The following ZNF222 variants were observed in gnomAD, a reference collection of about 807,000 sequenced individuals.
The protein encoded by ZNF222 is zinc finger protein 222.
In ZNF222, 8 loss-of-function variants were observed where a neutral mutation model predicts 11.6. That is an observed-to-expected ratio of 0.69 (90% CI 0.41 to 1.25). ZNF222 has a LOEUF of 1.25. Ranked by LOEUF, ZNF222 falls within the 50% of genes most tolerant of loss-of-function variation. ZNF222 has a pLI of 0.01. For missense variants in ZNF222, 483 were observed against 576.1 expected (o/e 0.84, Z 1.65); for synonymous variants, 171 against 195.6 (o/e 0.87, Z 1.05).
chr19:44,032,693 C>T lies in ZNF222; in HGVS notation c.1139C>T (p.Pro380Leu), dbSNP rs868142987. ...VHQRVHTGEK[P>L]YKCEECGKGY... Reference sequence around the variant, plus strand: ...CAACGAGTCCACACTGGAGAAAAGCCATACAAATGTGAGGAGTGTGGGAAG... The same window carrying T: ...CAACGAGTCCACACTGGAGAAAAGCTATACAAATGTGAGGAGTGTGGGAAG... The change falls in exon 4 of 4, where the codon CCA becomes CTA. Residue 380 changes from proline (P) to leucine (L), a missense_variant. Physicochemically the swap from Pro to Leu is moderately conservative, Grantham distance 98. Transcript: ENST00000391960. 1.2e-6 allele frequency: 2 copies of T among 1,614,212 alleles called. No homozygotes were observed. Among genetic ancestry groups the T allele is most frequent in the Middle Eastern group, 1.6e-4 (1 of 6,062 alleles).
At chr19:44,026,690 C>T (rs919290215) in intron 1 of ZNF222, among the ~76,000 whole-genome samples, 1 of 151,768 alleles carries the variant, frequency 6.6e-6, no homozygotes, top group African/African-American at 2.4e-5. Flanking sequence ...AAAGGGCCCG[C>T]GACTCAAACA....
At chr19:44,030,626 A>G (rs1339507083) in intron 3 of ZNF222, among the ~76,000 whole-genome samples, 3 of 152,210 alleles carry the variant, frequency 2.0e-5, no homozygotes, top group Admixed American at 6.5e-5. Flanking sequence ...CTTATTTTCT[A>G]TTGTATTCTC....
chr19:44,025,934 C>T lies in ZNF222; in HGVS notation c.42+456C>T. 1 of 1,339,624 alleles carries T rather than the reference C, an allele frequency of 7.5e-7. No homozygotes were observed. The highest frequency in any genetic ancestry group is 1.0e-6 in the Non-Finnish European group (1 of 968,804). The allele number at this position is 1,339,624 out of a possible 1,614,324, so 83.0% of individuals were successfully genotyped here. On this transcript the variant is annotated intron_variant, in intron 1 of 3. Transcript: ENST00000391960. This position sits in a 1 kb window ranked among gnomAD's most constrained non-coding sequence, Gnocchi z 4.6. ...GACGCTGGATGATCCCTGACGCCTT[C>T]TGACCTCTTTTTAGGAAAGTGAGGG...
chr19:44,031,723 C>T, intron 3 of ZNF222, 94 bp from the exon 4 acceptor site: 4 of 1,389,352 alleles, frequency 2.9e-6, no homozygotes, highest in Non-Finnish European at 4.0e-6. Flanking sequence ...CCTCACAGTC[C>T]ACCCGCCTCG....
At chr19:44,029,373 C>T (rs1415302220) in intron 3 of ZNF222, among the ~76,000 whole-genome samples, 1 of 151,912 alleles carries the variant, frequency 6.6e-6, no homozygotes, top group Non-Finnish European at 1.5e-5. Flanking sequence ...TACCCTTGAG[C>T]TTTCCTTAAG....
At chr19:44,029,177 G>GTTTTTT (rs1568503536) in intron 3 of ZNF222, among the ~76,000 whole-genome samples, 1 of 125,916 alleles carries the variant, frequency 7.9e-6, no homozygotes, top group African/African-American at 3.2e-5. Flanking sequence ...ACAGTTGTTG[G>GTTTTTT]TTTGTTTTGT....
chr19:44,029,365 C>G (rs1976452698), intron 3 of ZNF222, among the ~76,000 whole-genome samples: 1 of 151,912 alleles, frequency 6.6e-6, no homozygotes, highest in Non-Finnish European at 1.5e-5. Flanking sequence ...CTGGGGCTTA[C>G]CCTTGAGCTT....
chr19:44,032,954 G>A lies in ZNF222; in HGVS notation c.1400G>A (p.Cys467Tyr). ...RDHSGENPSK[C>Y]EDCGKRYKRR... ...CACAGTGGAGAAAACCCATCCAAAT[G>A]TGAGGACTGTGGGAAGCGCTACAAG... Residue 467 changes from cysteine to tyrosine, a missense_variant, in exon 4 of 4, where the codon TGT becomes TAT. Physicochemically the swap from Cys to Tyr is radical, Grantham distance 194. Coordinates refer to ENST00000391960, the MANE Select transcript of ZNF222 (RefSeq NM_001129996.2). 2.5e-6 allele frequency: 4 copies of A among 1,598,100 alleles called. No individual in the cohort carries two copies. Among genetic ancestry groups the A allele is most frequent in the Non-Finnish European group, 3.4e-6 (4 of 1,175,984 alleles).
chr19:44,025,495 G>C lies in ZNF222; in HGVS notation c.42+17G>C, dbSNP rs747204040. 1 of 1,543,484 alleles carries C rather than the reference G, an allele frequency of 6.5e-7. No homozygotes were observed. Among genetic ancestry groups the C allele is most frequent in the South Asian group, 1.2e-5 (1 of 83,196 alleles). ...AGAGCAGAGGTTTGGAGGGGCGCGG[G>C]CGGGGATTGCCGTTCCAGTCAGCTG... On this transcript the variant is annotated intron_variant, in intron 1 of 3. Coordinates refer to ENST00000391960, the MANE Select transcript of ZNF222 (RefSeq NM_001129996.2). This position sits in a 1 kb window ranked among gnomAD's most constrained non-coding sequence, Gnocchi z 4.6.
At position 44,032,911 on chromosome 19, in the gene ZNF222, A is replaced by G; in HGVS notation, c.1357A>G (p.Lys453Glu). 6.2e-7 allele frequency: 1 copy of G among 1,613,022 alleles called. No homozygotes were observed. Among genetic ancestry groups the G allele is most frequent in the Admixed American group, 1.7e-5 (1 of 59,762 alleles). Reference protein sequence around the residue: ...GKRLVCRSYCKDQQRDHSGEN... With the variant: ...GKRLVCRSYCEDQQRDHSGEN... ...GAGGCTTGTATGCCGGTCATACTGT[A>G]AAGACCAACAAAGAGACCACAGTGG... The change falls in exon 4 of 4, where the codon AAA becomes GAA. Residue 453 changes from lysine (K) to glutamate (E), a missense_variant. By Grantham distance (56) the Lys-to-Glu change is moderately conservative (BLOSUM62 1). Transcript: ENST00000391960.
intron 3 of ZNF222, among the ~76,000 whole-genome samples, chr19:44,029,860 A>G (rs1286682363): frequency 6.6e-6 from 1 of 152,228 alleles, no homozygotes; most frequent in Non-Finnish European, 1.5e-5. Context: ...AGCATTAGCC[A>G]TAGTAAGAAA....
At chr19:44,028,570 C>T (rs1300658089) in intron 3 of ZNF222, among the ~76,000 whole-genome samples, 1 of 152,168 alleles carries the variant, frequency 6.6e-6, no homozygotes, top group Non-Finnish European at 1.5e-5. Flanking sequence ...CTCTTCTTGG[C>T]CTGCCTGTGT....
rs1373724814 is a variant in ZNF222 at position 44,025,596 on chromosome 19, CCT to C, written c.42+120_42+121del. The C allele has an allele frequency of 9.1e-7, 1 of 1,104,102 alleles. No homozygotes were observed. The highest frequency in any genetic ancestry group is 1.3e-6 in the Non-Finnish European group (1 of 790,580). The allele number at this position is 1,104,102 out of a possible 1,614,324, so 68.4% of individuals were successfully genotyped here. A position where few individuals can be genotyped will look rare whatever the true frequency, so the allele number is the denominator to read the frequency against. ...CGCGGCCCGGTGTGCCCTACTTTGA[CCT>C]CGCTTAGTCCGCCTCCCTCCTCCCT... is the stretch of plus-strand genomic sequence containing the variant. On this transcript the variant is annotated intron_variant, in intron 1 of 3. Coordinates refer to ENST00000391960, the MANE Select transcript of ZNF222 (RefSeq NM_001129996.2). This position sits in a 1 kb window ranked among gnomAD's most constrained non-coding sequence, Gnocchi z 4.6.
At position 44,032,095 on chromosome 19, in the gene ZNF222, G is replaced by A; in HGVS notation, c.541G>A (p.Gly181Arg). ...TGATCTTCCTCAGCAGTTATATTCA[G>A]GAGAGAAGTCTCATACCTGTGATGA... ...FFDLPQQLYSGEKSHTCDECG... is the reference protein window; with the variant it reads ...FFDLPQQLYSREKSHTCDECG... The change falls in exon 4 of 4, where the codon GGA (glycine) becomes AGA (arginine). Residue 181 changes from glycine (G) to arginine (R), a missense_variant. Transcript: ENST00000391960. 6.2e-7 allele frequency: 1 copy of A among 1,614,210 alleles called. No homozygotes were observed. The highest frequency in any genetic ancestry group is 8.5e-7 in the Non-Finnish European group (1 of 1,180,048).
chr19:44,027,295 GT>G, intron 2 of ZNF222, 102 bp from the exon 3 acceptor site: 1 of 1,570,444 alleles, frequency 6.4e-7, no homozygotes, highest in Non-Finnish European at 8.7e-7. Context: ...AGTAATTGTG[GT>G]TTTTGTCATT....
intron 3 of ZNF222, among the ~76,000 whole-genome samples, chr19:44,027,762 G>T (rs919950085): frequency 6.6e-6 from 1 of 151,984 alleles, no homozygotes; most frequent in Non-Finnish European, 1.5e-5. Context: ...TCTTTAAGTG[G>T]CTTTTGTAGA....
At chr19:44,026,307 G>C (rs753297259) in intron 1 of ZNF222, among the ~76,000 whole-genome samples, 5 of 151,940 alleles carry the variant, frequency 3.3e-5, no homozygotes, top group Non-Finnish European at 7.4e-5. Flanking sequence ...AGGTGGAGCA[G>C]GAGTTGAAAC....
Position 44,032,895 on chromosome 19 carries a change from A to G in ZNF222, c.1341A>G (p.Val447=). 6.2e-7 allele frequency: 1 copy of G among 1,613,976 alleles called. No homozygotes were observed. The highest frequency in any genetic ancestry group is 8.5e-7 in the Non-Finnish European group (1 of 1,179,998). ...GTGAAGACTGTGGAAAGAGGCTTGT[A>G]TGCCGGTCATACTGTAAAGACCAAC... ...LKCEDCGKRL[V]CRSYCKDQQR... is the part of the protein sequence containing the mutation. The change falls in exon 4 of 4, where the codon GTA becomes GTG. Residue 447 remains valine, a synonymous_variant. Transcript: ENST00000391960.
At position 44,032,645 on chromosome 19, in the gene ZNF222, G is replaced by C. The variant is rs146820867; in HGVS notation, c.1091G>C (p.Trp364Ser). Reference sequence around the variant, plus strand: ...AAAGAATGTGGGAAGAGCTTCAAATGGTCCTCATATCTTTTGGTCCATCAA... The same window carrying C: ...AAAGAATGTGGGAAGAGCTTCAAATCGTCCTCATATCTTTTGGTCCATCAA... ...NCKECGKSFK[W>S]SSYLLVHQRV... The change falls in exon 4 of 4, where the codon TGG becomes TCG. Residue 364 changes from tryptophan (W) to serine (S), a missense_variant. Transcript: ENST00000391960. The C allele has an allele frequency of 1.9e-4, 307 of 1,613,516 alleles. 2 individuals carry two copies. The highest frequency in any genetic ancestry group is 5.7e-4 in the South Asian group (52 of 91,044).
Sources: gnomAD v4.1 joint callset for allele counts (sites outside exome capture counted in the v4.1 genomes callset) on GRCh38, gnomAD v4.1.1 for gene constraint, Gnocchi (gnomAD v3.1) non-coding constraint, MANE v1.5 for transcripts, NCBI Gene and HGNC (gene_info 2026-07-23, HGNC 2026-07-21) for gene names.